ABTB2: variants seen among roughly 807,000 people sequenced by gnomAD.
ABTB2 encodes the protein ankyrin repeat and BTB domain containing 2.
ABTB2 carries 56 observed loss-of-function variants against 104.1 expected under a neutral mutation model. That is an observed-to-expected ratio of 0.54 (90% CI 0.43 to 0.67). The LOEUF is 0.67. Ranked by LOEUF, ABTB2 falls within the 30% of genes least tolerant of loss-of-function variation. The pLI is 0.00. For missense variants in ABTB2, 1,279 were observed against 1,407.7 expected, an observed-to-expected ratio of 0.91 and a Z score of 1.46; for synonymous variants, 606 against 608.2, an observed-to-expected ratio of 1.00 and a Z score of 0.05.
At chr11:34,230,001 G>A (rs888463124) in intron 1 of ABTB2, among the ~76,000 whole-genome samples, 3 of 152,152 alleles carry the variant, frequency 2.0e-5, no homozygotes, top group Non-Finnish European at 4.4e-5. Context: ...CTCTTCTGAA[G>A]CTCACTGTTG....
intron 1 of ABTB2, among the ~76,000 whole-genome samples, chr11:34,300,714 T>C (rs1854693792): frequency 6.7e-6 from 1 of 149,624 alleles, no homozygotes. Flanking sequence ...AAAAGAAAAC[T>C]GGGGGGTGGG....
Position 34,154,194 on chromosome 11 carries a change from C to T in ABTB2, c.2880+71G>A. 8.1e-7 allele frequency: 1 copy of T among 1,234,856 alleles called. No homozygotes were observed. Among genetic ancestry groups the T allele is most frequent in the South Asian group, 1.3e-5 (1 of 79,830 alleles). The allele number at this position is 1,234,856 out of a possible 1,614,324, so 76.5% of individuals were successfully genotyped here. ...ATCTCCTAGCTCATCCCCAGTGCAG[C>T]CACACGGCCGAGGCCCCCGTGGAGC... On this transcript the variant is annotated intron_variant, in intron 16 of 16. Coordinates refer to ENST00000435224, the MANE Select transcript of ABTB2 (RefSeq NM_145804.3). This position sits in a 1 kb window ranked among gnomAD's most constrained non-coding sequence, Gnocchi z 4.9.
At chr11:34,296,071 G>A (rs1229412738) in intron 1 of ABTB2, among the ~76,000 whole-genome samples, 1 of 152,192 alleles carries the variant, frequency 6.6e-6, no homozygotes, top group Non-Finnish European at 1.5e-5. Context: ...GATCAAGGCA[G>A]CAGGAAGCTA....
At chr11:34,157,006 T>C (rs536624941) in intron 14 of ABTB2, among the ~76,000 whole-genome samples, 2 of 152,158 alleles carry the variant, frequency 1.3e-5, no homozygotes, top group Non-Finnish European at 2.9e-5. Flanking sequence ...TGGGCCTCTG[T>C]TTCCTCCTCC....
intron 10 of ABTB2, among the ~76,000 whole-genome samples, chr11:34,161,784 G>A (rs1852724164): frequency 6.6e-6 from 1 of 152,164 alleles, no homozygotes; most frequent in African/African-American, 2.4e-5. Context: ...ACCTCACTGT[G>A]GATCAAAGAA....
At chr11:34,315,570 T>A (rs1854916487) in intron 1 of ABTB2, among the ~76,000 whole-genome samples, 1 of 152,078 alleles carries the variant, frequency 6.6e-6, no homozygotes, top group Non-Finnish European at 1.5e-5. Context: ...GTTCCCATTC[T>A]CCTCTCCTGG....
rs1162022960 is a variant in ABTB2, at chr11:34,285,225, A to T, written c.883+71476T>A. ...GGGGACATTTGCTGTACAAGTGGAC[A>T]GTGGGGGAGGGGAGGTTTCCCCGAG... On this transcript the variant is annotated intron_variant, in intron 1 of 16. Coordinates refer to ENST00000435224, the MANE Select transcript of ABTB2 (RefSeq NM_145804.3). 3.9e-5 allele frequency among the ~76,000 whole-genome samples: 6 copies of T among 152,064 alleles called. No individual in the cohort carries two copies. The East Asian group carries it at 1.2e-3, about 29-fold the overall frequency.
intron 1 of ABTB2, among the ~76,000 whole-genome samples, chr11:34,214,856 A>G (rs1853530543): frequency 6.6e-6 from 1 of 152,228 alleles, no homozygotes; most frequent in Non-Finnish European, 1.5e-5. Flanking sequence ...TAAAAGAAAA[A>G]GGTACATGAA....
chr11:34,157,712 G>A (rs569286348), intron 14 of ABTB2, among the ~76,000 whole-genome samples: 63 of 152,264 alleles, frequency 4.1e-4, no homozygotes, highest in South Asian at 2.3e-3. Flanking sequence ...TCCCACATCC[G>A]TCAGTTACCA....
intron 3 of ABTB2, among the ~76,000 whole-genome samples, chr11:34,178,401 C>T (rs1216216966): frequency 6.6e-6 from 1 of 152,218 alleles, no homozygotes; most frequent in Non-Finnish European, 1.5e-5. Context: ...GTCTGCTGGG[C>T]AGGCTGAGAT....
intron 1 of ABTB2, among the ~76,000 whole-genome samples, chr11:34,302,735 C>A (rs140716121): frequency 5.9e-5 from 9 of 152,212 alleles, no homozygotes; most frequent in Admixed American, 5.9e-4. Flanking sequence ...CAGACCACAA[C>A]CTCTTTAGCG....
intron 1 of ABTB2, among the ~76,000 whole-genome samples, chr11:34,317,788 G>T: frequency 6.7e-6 from 1 of 148,634 alleles, no homozygotes; most frequent in East Asian, 2.0e-4. Context: ...AATTAATAAC[G>T]GCTTTTTAAA....
chr11:34,258,336 C>T (rs1033527481), intron 1 of ABTB2, among the ~76,000 whole-genome samples: 7 of 152,044 alleles, frequency 4.6e-5, no homozygotes, highest in African/African-American at 1.7e-4. Context: ...CTTTAATCCT[C>T]ACAGTGAGAG....
In ABTB2 at chr11:34,162,810, A is replaced by C; in HGVS notation, c.1989-5T>G. The C allele has an allele frequency of 6.3e-7, 1 of 1,596,528 alleles. No homozygotes were observed. The highest frequency in any genetic ancestry group is 8.5e-7 in the Non-Finnish European group (1 of 1,177,400). On this transcript the variant is annotated splice_region_variant and splice_polypyrimidine_tract_variant and intron_variant, in intron 9 of 16. Coordinates refer to ENST00000435224, the MANE Select transcript of ABTB2 (RefSeq NM_145804.3). ...AGGAGCTTCCTCAGGACGTTCCTGCAGGCCCAGGGATGAATGAAGGTGAGG... is the reference window on the plus strand; with the variant it reads ...AGGAGCTTCCTCAGGACGTTCCTGCCGGCCCAGGGATGAATGAAGGTGAGG...
At chr11:34,160,056 TG>T (rs1213404663) in intron 12 of ABTB2, 48 bp from the exon 13 acceptor site, 3 of 1,522,998 alleles carry the variant, frequency 2.0e-6, no homozygotes, top group Non-Finnish European at 2.7e-6. Flanking sequence ...AGTCCCCTGC[TG>T]GGGTTTGCTT....
chr11:34,321,984 C>T (rs1855010966), intron 1 of ABTB2, among the ~76,000 whole-genome samples: 1 of 152,142 alleles, frequency 6.6e-6, no homozygotes, highest in African/African-American at 2.4e-5. Flanking sequence ...GCTTCTGACA[C>T]CGAAAGAGCC....
intron 1 of ABTB2, among the ~76,000 whole-genome samples, chr11:34,250,623 GAACA>G (rs899604840): frequency 2.0e-5 from 3 of 152,206 alleles, no homozygotes; most frequent in Non-Finnish European, 4.4e-5. Context: ...TGTGGAAAGT[GAACA>G]GACATGGCAG....
intron 1 of ABTB2, among the ~76,000 whole-genome samples, chr11:34,351,457 C>T (rs943679500): frequency 1.3e-5 from 2 of 152,156 alleles, no homozygotes; most frequent in Non-Finnish European, 2.9e-5. Flanking sequence ...ACTGAAAATT[C>T]CCCCAACTCA....
At chr11:34,340,505 C>T (rs530266590) in intron 1 of ABTB2, among the ~76,000 whole-genome samples, 8 of 152,254 alleles carry the variant, frequency 5.3e-5, no homozygotes, top group Admixed American at 1.3e-4. Context: ...AGTCAAGGTG[C>T]GAACCAACCC....
Sources: gnomAD v4.1 joint callset for allele counts (sites outside exome capture counted in the v4.1 genomes callset) on GRCh38, gnomAD v4.1.1 for gene constraint, Gnocchi (gnomAD v3.1) non-coding constraint, MANE v1.5 for transcripts, NCBI Gene and HGNC (gene_info 2026-07-23, HGNC 2026-07-21) for gene names.